Variants in NXPH1 observed in about 807,000 individuals in gnomAD.
The protein encoded by NXPH1 is neurexophilin 1, also known as neurexophilin-1.
NXPH1 carries 5 observed loss-of-function variants against 23.7 expected under a neutral mutation model. The ratio of observed to expected loss-of-function variants is 0.21; its 90% CI spans 0.11 to 0.44. The LOEUF is 0.44. NXPH1 is among the 20% of genes least tolerant of loss of function. NXPH1 has a pLI of 0.99. For missense variants in NXPH1, 324 were observed against 321.6 expected, an observed-to-expected ratio of 1.01 and a Z score of -0.06; for synonymous variants, 144 against 122.2, an observed-to-expected ratio of 1.18 and a Z score of -1.18.
intron 2 of NXPH1, among the ~76,000 whole-genome samples, chr7:8,670,527 T>G (rs1820852345): frequency 6.6e-6 from 1 of 152,190 alleles, no homozygotes; most frequent in South Asian, 2.1e-4. Context: ...GTGCATCTTT[T>G]CTGCCAACAT....
chr7:8,750,417 A>G (rs1194234742), intron 2 of NXPH1, among the ~76,000 whole-genome samples: 2 of 152,134 alleles, frequency 1.3e-5, no homozygotes, highest in African/African-American at 4.8e-5. Flanking sequence ...TGCCGCACCT[A>G]TTGACCCGTT....
chr7:8,751,706 G>C lies in NXPH1; in HGVS notation c.753G>C (p.Leu251=). 1 of 1,612,698 alleles carries C rather than the reference G, an allele frequency of 6.2e-7. No individual in the cohort carries two copies. The highest frequency in any genetic ancestry group is 8.5e-7 in the Non-Finnish European group (1 of 1,179,390). Reference sequence around the variant, plus strand: ...CCTTTTATAGTACAGATTATAAACTGGTACAGAAAGTGTGCCCTGACTACA... The same window carrying C: ...CCTTTTATAGTACAGATTATAAACTCGTACAGAAAGTGTGCCCTGACTACA... ...YISFYSTDYK[L]VQKVCPDYNY... Residue 251 remains leucine (L), a synonymous_variant, in exon 3 of 3, where the codon CTG becomes CTC. Transcript: ENST00000405863. The surrounding 1 kb of genome is among the most constrained non-coding windows in gnomAD (Gnocchi z 4.5).
intron 2 of NXPH1, among the ~76,000 whole-genome samples, chr7:8,509,778 G>A (rs535688633): frequency 2.0e-5 from 3 of 152,210 alleles, no homozygotes; most frequent in Admixed American, 6.5e-5. Context: ...GTTAACACAT[G>A]TTCCAACAAA....
chr7:8,517,944 T>G (rs1291078523), intron 2 of NXPH1, among the ~76,000 whole-genome samples: 2 of 152,136 alleles, frequency 1.3e-5, no homozygotes, highest in African/African-American at 2.4e-5. Context: ...ATAAGCTTGA[T>G]GTCCTGAAGC....
At chr7:8,576,528 A>T (rs1300073112) in intron 2 of NXPH1, among the ~76,000 whole-genome samples, 5 of 152,182 alleles carry the variant, frequency 3.3e-5, no homozygotes, top group African/African-American at 1.2e-4. Context: ...AATGTAGCTT[A>T]TGGAAGAAAG....
intron 2 of NXPH1, among the ~76,000 whole-genome samples, chr7:8,664,071 T>C (rs1057181297): frequency 2.6e-5 from 4 of 152,106 alleles, no homozygotes; most frequent in African/African-American, 9.7e-5. Context: ...TAGAAAGCCA[T>C]GTATGATGCT....
At chr7:8,462,810 T>A (rs186892790) in intron 2 of NXPH1, among the ~76,000 whole-genome samples, 1 of 152,384 alleles carries the variant, frequency 6.6e-6, no homozygotes, top group East Asian at 1.9e-4. Flanking sequence ...TTTACTCTTA[T>A]CACTGTTATT....
At chr7:8,729,554 GGTTT>G (rs1780114178) in intron 2 of NXPH1, among the ~76,000 whole-genome samples, 1 of 124,604 alleles carries the variant, frequency 8.0e-6, no homozygotes, top group African/African-American at 3.6e-5. Context: ...TGTTCTCCTT[GGTTT>G]CAAAGAACAT....
intron 2 of NXPH1, among the ~76,000 whole-genome samples, chr7:8,586,737 C>A (rs950405957): frequency 6.6e-6 from 1 of 151,578 alleles, no homozygotes; most frequent in South Asian, 2.1e-4. Flanking sequence ...AACTTTTAAC[C>A]TTTTGCATTC....
chr7:8,723,006 A>C (rs995044836), intron 2 of NXPH1, among the ~76,000 whole-genome samples: 1 of 152,196 alleles, frequency 6.6e-6, no homozygotes, highest in South Asian at 2.1e-4. Context: ...GAGTCAAGCC[A>C]AAAATGCCTT....
chr7:8,463,995 T>G (rs1173826608), intron 2 of NXPH1, among the ~76,000 whole-genome samples: 1 of 152,186 alleles, frequency 6.6e-6, no homozygotes, highest in African/African-American at 2.4e-5. Context: ...CAAAACCATA[T>G]GTTCCCAGAG....
intron 2 of NXPH1, among the ~76,000 whole-genome samples, chr7:8,554,306 T>C (rs1818321642): frequency 6.6e-6 from 1 of 151,696 alleles, no homozygotes; most frequent in African/African-American, 2.4e-5. Flanking sequence ...ATGAGACAGA[T>C]GTGATCCAAA....
At chr7:8,559,870 C>T (rs1352856141) in intron 2 of NXPH1, among the ~76,000 whole-genome samples, 2 of 151,638 alleles carry the variant, frequency 1.3e-5, no homozygotes, top group Admixed American at 6.6e-5. Context: ...AGTCAACTTG[C>T]CTGCCAAATC....
intron 2 of NXPH1, among the ~76,000 whole-genome samples, chr7:8,625,513 C>CA (rs1238180629): frequency 6.6e-6 from 1 of 152,086 alleles, no homozygotes; most frequent in Non-Finnish European, 1.5e-5. Context: ...TAACCCCTGC[C>CA]AAAGCTCTCA....
chr7:8,673,408 G>T (rs944988502), intron 2 of NXPH1, among the ~76,000 whole-genome samples: 1 of 152,106 alleles, frequency 6.6e-6, no homozygotes, highest in Non-Finnish European at 1.5e-5. Flanking sequence ...AGGCCACTAT[G>T]AAGAAATAAT....
intron 2 of NXPH1, among the ~76,000 whole-genome samples, chr7:8,721,507 G>T (rs1218535825): frequency 2.0e-5 from 3 of 152,324 alleles, no homozygotes; most frequent in Middle Eastern, 3.4e-3. Flanking sequence ...CATTTCTTGT[G>T]GCTCACGCCT....
At chr7:8,492,432 A>G (rs1160828562) in intron 2 of NXPH1, among the ~76,000 whole-genome samples, 1 of 152,014 alleles carries the variant, frequency 6.6e-6, no homozygotes, top group Admixed American at 6.6e-5. Flanking sequence ...AAACTCTGCA[A>G]AATAGAAACA....
At chr7:8,646,789 T>C (rs1429597813) in intron 2 of NXPH1, among the ~76,000 whole-genome samples, 3 of 152,112 alleles carry the variant, frequency 2.0e-5, no homozygotes, top group Non-Finnish European at 4.4e-5. Flanking sequence ...ATTTTATTTT[T>C]ATTTATGTTT....
chr7:8,484,838 C>G (rs186882297), intron 2 of NXPH1, among the ~76,000 whole-genome samples: 19 of 152,218 alleles, frequency 1.2e-4, no homozygotes, highest in Non-Finnish European at 2.1e-4. Context: ...CATTTTACCT[C>G]TGTTATTCTA....
Sources: allele counts gnomAD v4.1 joint callset (sites outside exome capture counted in the v4.1 genomes callset), GRCh38; gene constraint gnomAD v4.1.1; non-coding constraint Gnocchi (gnomAD v3.1); transcripts MANE v1.5; gene names NCBI Gene and HGNC (gene_info 2026-07-23, HGNC 2026-07-21).